MYOZ2: variants seen among roughly 807,000 people sequenced by gnomAD.
MYOZ2 encodes myozenin-2.
In MYOZ2, 19 loss-of-function variants were observed where a neutral mutation model predicts 25.4. The observed-to-expected ratio is 0.75, with a 90% CI of 0.52 to 1.10. MYOZ2 has a LOEUF of 1.10. MYOZ2 is among the 50% of genes least tolerant of loss of function. The pLI, the probability that MYOZ2 is intolerant of heterozygous loss-of-function variation, is 0.00. For synonymous variants in MYOZ2, 92 were observed against 106.9 expected (o/e 0.86, Z 0.86); for missense variants, 270 against 317.9 (o/e 0.85, Z 1.15).
chr4:119,138,205 C>T (rs1275507563), intron 2 of MYOZ2, among the ~76,000 whole-genome samples: 1 of 152,162 alleles, frequency 6.6e-6, no homozygotes, highest in East Asian at 1.9e-4. Context: ...GTAAAGTCAG[C>T]TGAAGCCCTC....
At chr4:119,169,085 A>G (rs1255412288) in intron 5 of MYOZ2, among the ~76,000 whole-genome samples, 2 of 148,492 alleles carry the variant, frequency 1.3e-5, no homozygotes, top group Non-Finnish European at 3.0e-5. Flanking sequence ...ACAATATGGC[A>G]ATCACTCCAC....
Position 119,144,127 on chromosome 4 carries a change from C to T in MYOZ2, c.77-6745C>T, listed in dbSNP as rs149180890. Among the ~76,000 whole-genome samples the T allele has an allele frequency of 2.1e-3, 315 of 152,296 alleles. 2 individuals are homozygous for T. The highest frequency in any genetic ancestry group is 7.1e-3 in the African/African-American group (297 of 41,570). The stretch of plus-strand genomic sequence containing the variant: ...ATACCCACTTCTCTCTAGGCCCCAT[C>T]TCTCCTTAAACCCTGACCAATCACT... On this transcript the variant is annotated intron_variant, in intron 2 of 5. Transcript: ENST00000307128.
chr4:119,170,225 C>A (rs1741919599), intron 5 of MYOZ2, among the ~76,000 whole-genome samples: 1 of 151,850 alleles, frequency 6.6e-6, no homozygotes, highest in African/African-American at 2.4e-5. Context: ...TACTTTCTGT[C>A]TCTATGATTT....
chr4:119,159,935 T>A (rs1741668124), intron 4 of MYOZ2, among the ~76,000 whole-genome samples: 1 of 152,188 alleles, frequency 6.6e-6, no homozygotes, highest in South Asian at 2.1e-4. Flanking sequence ...CTGGTAGCTT[T>A]CAACAAAAGT....
At chr4:119,150,836 C>T (rs747320133) in intron 2 of MYOZ2, 36 bp from the exon 3 acceptor site, 1 of 1,595,752 alleles carries the variant, frequency 6.3e-7, no homozygotes, top group South Asian at 1.1e-5. Flanking sequence ...AAATGCTTAC[C>T]TTGGGATTTT....
In MYOZ2 at chr4:119,168,796, G is replaced by C. The variant is rs1203740402; in HGVS notation, c.560+4402G>C. Among the ~76,000 whole-genome samples the C allele has an allele frequency of 1.3e-5, 2 of 152,168 alleles. 1 individual carries two copies. The highest frequency in any genetic ancestry group is 4.1e-4 in the South Asian group (2 of 4,834). ...TTGAGATGGTATCTACCCCTGCTGA[G>C]GATGCTGTGAATATTGTTGACATGA... On this transcript the variant is annotated intron_variant, in intron 5 of 5. Transcript: ENST00000307128.
At chr4:119,144,604 C>G (rs1278900910) in intron 2 of MYOZ2, among the ~76,000 whole-genome samples, 1 of 152,152 alleles carries the variant, frequency 6.6e-6, no homozygotes, top group African/African-American at 2.4e-5. Flanking sequence ...TCCTCACCAG[C>G]AAATGGTGCT....
chr4:119,160,836 A>G (rs1294910038), intron 4 of MYOZ2, among the ~76,000 whole-genome samples: 4 of 152,030 alleles, frequency 2.6e-5, no homozygotes, highest in African/African-American at 7.2e-5. Context: ...CATATCCATC[A>G]TCTCAAATAT....
chr4:119,161,285 A>C (rs1741703676), intron 4 of MYOZ2, among the ~76,000 whole-genome samples: 1 of 152,198 alleles, frequency 6.6e-6, no homozygotes, highest in Admixed American at 6.5e-5. Context: ...GTACTTTACT[A>C]TGAGGCAAGA....
intron 5 of MYOZ2, among the ~76,000 whole-genome samples, chr4:119,167,591 T>A (rs1741850056): frequency 6.6e-6 from 1 of 152,236 alleles, no homozygotes; most frequent in Non-Finnish European, 1.5e-5. Flanking sequence ...AACCTTCTAT[T>A]GGAAGAAGAT....
chr4:119,185,730 T>C (rs559822720), intron 5 of MYOZ2, among the ~76,000 whole-genome samples: 1 of 152,318 alleles, frequency 6.6e-6, no homozygotes, highest in Admixed American at 6.5e-5. Flanking sequence ...TATATACAAA[T>C]GAACTTCAAT....
chr4:119,185,990 T>A lies in MYOZ2; in HGVS notation c.585T>A (p.Phe195Leu). ...GGGTTGCCACACCATTTGGAGGTTT[T>A]GAAAAAGCATCAAGAATGGTTAAAT... ...FNRVATPFGG[F>L]EKASRMVKFK... The change falls in exon 6 of 6, where the codon TTT becomes TTA. Residue 195 changes from phenylalanine to leucine, a missense_variant. Physicochemically the swap from Phe to Leu is conservative, Grantham distance 22. Transcript: ENST00000307128. 1.9e-6 allele frequency: 3 copies of A among 1,613,970 alleles called. No homozygotes were observed. Among genetic ancestry groups the A allele is most frequent in the Non-Finnish European group, 2.5e-6 (3 of 1,179,998 alleles).
chr4:119,161,484 A>C (rs1268052801), intron 4 of MYOZ2, among the ~76,000 whole-genome samples: 2 of 152,112 alleles, frequency 1.3e-5, no homozygotes, highest in Non-Finnish European at 2.9e-5. Flanking sequence ...GTAAAAATAA[A>C]ATTTATCTAA....
chr4:119,168,857 A>G (rs1741889434), intron 5 of MYOZ2, among the ~76,000 whole-genome samples: 1 of 152,216 alleles, frequency 6.6e-6, no homozygotes, highest in Admixed American at 6.5e-5. Context: ...AACTTAGTTG[A>G]TAAGGCAGTA....
chr4:119,143,923 C>T (rs767376254), intron 2 of MYOZ2, among the ~76,000 whole-genome samples: 23 of 152,010 alleles, frequency 1.5e-4, no homozygotes, highest in Non-Finnish European at 2.8e-4. Context: ...TTTAGATAAT[C>T]ATAGTTTCAC....
chr4:119,182,434 C>T (rs1359473403), intron 5 of MYOZ2, among the ~76,000 whole-genome samples: 1 of 151,874 alleles, frequency 6.6e-6, no homozygotes, highest in East Asian at 1.9e-4. Flanking sequence ...AAAAAGGCAA[C>T]TTCTAATAAG....
At chr4:119,154,462 A>G (rs1357596827) in intron 3 of MYOZ2, among the ~76,000 whole-genome samples, 1 of 152,124 alleles carries the variant, frequency 6.6e-6, no homozygotes, top group African/African-American at 2.4e-5. Context: ...TTTCTTAACG[A>G]TGATGTAGAG....
chr4:119,146,618 G>T (rs1249288824), intron 2 of MYOZ2, among the ~76,000 whole-genome samples: 1 of 152,024 alleles, frequency 6.6e-6, no homozygotes, highest in Non-Finnish European at 1.5e-5. Context: ...ATTTTAATTT[G>T]TTGAGGTTTA....
chr4:119,178,567 A>G (rs1454298190), intron 5 of MYOZ2, among the ~76,000 whole-genome samples: 1 of 152,086 alleles, frequency 6.6e-6, no homozygotes, highest in Non-Finnish European at 1.5e-5. Flanking sequence ...TTTTCACCTT[A>G]TACTCTATAC....
Sources: gnomAD v4.1 joint callset for allele counts (sites outside exome capture counted in the v4.1 genomes callset) on GRCh38, gnomAD v4.1.1 for gene constraint, MANE v1.5 for transcripts, NCBI Gene and HGNC (gene_info 2026-07-23, HGNC 2026-07-21) for gene names.